COLEC11: variants seen among roughly 807,000 people sequenced by gnomAD.
COLEC11 encodes the protein collectin subfamily member 11, also known as collectin-11.
In COLEC11, 20 loss-of-function variants were observed where a neutral mutation model predicts 27.3. The ratio of observed to expected loss-of-function variants is 0.73; its 90% CI spans 0.51 to 1.06. COLEC11 has a LOEUF of 1.06. COLEC11 is among the 50% of genes least tolerant of loss of function. The pLI, the probability that COLEC11 is intolerant of heterozygous loss-of-function variation, is 0.00. For synonymous variants in COLEC11, 163 were observed against 154.7 expected (o/e 1.05, Z -0.40); for missense variants, 310 against 383.0 (o/e 0.81, Z 1.59).
chr2:3,601,648 C>T lies in COLEC11; in HGVS notation c.-26-2667C>T, dbSNP rs576901155. Among the ~76,000 whole-genome samples the T allele has an allele frequency of 3.9e-4, 60 of 152,282 alleles. 1 individual carries two copies. Among genetic ancestry groups the T allele is most frequent in the South Asian group, 2.1e-3 (10 of 4,832 alleles). On this transcript the variant is annotated intron_variant, in intron 1 of 6. Coordinates refer to ENST00000349077, the MANE Select transcript of COLEC11 (RefSeq NM_024027.5). The stretch of plus-strand genomic sequence containing the variant: ...ATTCTTGGACATCCGGGATGAGAGA[C>T]GGCTTCAGCTTTAAGGTCTGTAGGT...
At chr2:3,631,147 C>T (rs2147937157) in intron 3 of COLEC11, among the ~76,000 whole-genome samples, 1 of 152,146 alleles carries the variant, frequency 6.6e-6, no homozygotes, top group East Asian at 1.9e-4. Flanking sequence ...AGGAGAATCA[C>T]TTGAACCTGG....
Position 3,622,789 on chromosome 2 carries a change from C to T in COLEC11, c.202+9407C>T, listed in dbSNP as rs1042791086. Among the ~76,000 whole-genome samples the T allele has an allele frequency of 6.6e-5, 10 of 152,110 alleles. No homozygotes were observed. The East Asian group carries it at 1.7e-3, about 26-fold the overall frequency. ...ACCTTGGATTTCCCAGCCTCTAGAA[C>T]TGTAAAAAAGAATTTCTTTTCTTTA... On this transcript the variant is annotated intron_variant, in intron 3 of 6. Coordinates refer to ENST00000349077, the MANE Select transcript of COLEC11 (RefSeq NM_024027.5).
intron 1 of COLEC11, among the ~76,000 whole-genome samples, chr2:3,599,705 G>A (rs1216601126): frequency 2.0e-5 from 3 of 152,178 alleles, no homozygotes; most frequent in Admixed American, 6.5e-5. Context: ...GCCAAGTCCC[G>A]GGAGGTCTCT....
intron 1 of COLEC11, among the ~76,000 whole-genome samples, chr2:3,596,334 T>C (rs1661835236): frequency 7.3e-6 from 1 of 136,944 alleles, no homozygotes; most frequent in South Asian, 2.3e-4. Flanking sequence ...CATTGTCTAT[T>C]TCATTTTTTT....
intron 3 of COLEC11, chr2:3,626,240 G>A (rs1278727385): frequency 1.3e-6 from 1 of 795,704 alleles, no homozygotes; most frequent in Non-Finnish European, 2.2e-6. Flanking sequence ...TGGGAGGGAG[G>A]AATATTGTTA....
At chr2:3,603,942 C>T in intron 1 of COLEC11, 1 of 573,366 alleles carries the variant, frequency 1.7e-6, no homozygotes, top group Non-Finnish European at 3.1e-6. Context: ...CTGTGCCCAG[C>T]TCTGCAGAGG....
intron 2 of COLEC11, among the ~76,000 whole-genome samples, chr2:3,607,650 T>C (rs780576739): frequency 2.0e-5 from 3 of 152,128 alleles, no homozygotes; most frequent in Non-Finnish European, 4.4e-5. Flanking sequence ...GGTTTCACCA[T>C]GTTATCCAGG....
rs59415568 is a variant in COLEC11, at chr2:3,600,939, G to A, written c.-26-3376G>A. ...CCTCAGCAGGACAATGCCCGGCCCC[G>A]TGATGGCTGTGTCACTGCACGGGGC... is the stretch of plus-strand genomic sequence containing the variant. On this transcript the variant is annotated intron_variant, in intron 1 of 6. Transcript: ENST00000349077. Among the ~76,000 whole-genome samples the A allele has an allele frequency of 6.2e-3, 951 of 152,312 alleles. 7 individuals carry two copies. The highest frequency in any genetic ancestry group is 0.022 in the African/African-American group (908 of 41,564).
chr2:3,633,507 A>G (rs1049005556), intron 3 of COLEC11, among the ~76,000 whole-genome samples: 3 of 152,170 alleles, frequency 2.0e-5, no homozygotes, highest in African/African-American at 4.8e-5. Flanking sequence ...AGTCCCTGCC[A>G]TAGGGGGTTC....
chr2:3,637,238 G>C (rs981742911), intron 3 of COLEC11, among the ~76,000 whole-genome samples: 3 of 152,220 alleles, frequency 2.0e-5, no homozygotes, highest in Admixed American at 1.3e-4. Context: ...GCACGGAGGG[G>C]ATGGACCGTG....
At chr2:3,643,688 A>T (rs753906527) in intron 6 of COLEC11, 39 bp from the exon 7 acceptor site, 2 of 1,613,176 alleles carry the variant, frequency 1.2e-6, no homozygotes, top group East Asian at 2.2e-5. Flanking sequence ...TGTTGCACAC[A>T]TACAAGTGCT....
intron 3 of COLEC11, among the ~76,000 whole-genome samples, chr2:3,634,459 C>T (rs540926460): frequency 2.8e-4 from 42 of 152,304 alleles, no homozygotes; most frequent in Non-Finnish European, 3.7e-4. Flanking sequence ...CTGTACCGTG[C>T]CTCCTCCTGC....
Position 3,644,097 on chromosome 2 carries a change from G to A in COLEC11, c.795G>A (p.Glu265=), listed in dbSNP as rs1413727385. The A allele has an allele frequency of 1.2e-6, 2 of 1,612,636 alleles. No homozygotes were observed. Among genetic ancestry groups the A allele is most frequent in the Non-Finnish European group, 1.7e-6 (2 of 1,180,040 alleles). The change falls in exon 7 of 7, where the codon GAG becomes GAA. Residue 265 remains glutamate (E), a synonymous_variant. Transcript: ENST00000349077. ...ACACCACCATGTACTTCATGTGTGA[G>A]TTTGACAAGGAGAACATGTGAGCCT... ...ACHTTMYFMC[E]FDKENM
intron 1 of COLEC11, among the ~76,000 whole-genome samples, chr2:3,596,161 G>T (rs1463637163): frequency 1.3e-5 from 2 of 152,116 alleles, no homozygotes; most frequent in African/African-American, 4.8e-5. Flanking sequence ...GGGAAACACC[G>T]CGGTGGGGCT....
intron 1 of COLEC11, among the ~76,000 whole-genome samples, chr2:3,599,236 C>T (rs764223862): frequency 6.6e-6 from 1 of 152,176 alleles, no homozygotes. Context: ...ACCCAGTGGA[C>T]GTTCTGTACC....
intron 3 of COLEC11, among the ~76,000 whole-genome samples, chr2:3,625,849 T>C (rs1664517181): frequency 6.6e-6 from 1 of 152,140 alleles, no homozygotes; most frequent in African/African-American, 2.4e-5. Context: ...GCCACACTGG[T>C]CTTGAACTCC....
chr2:3,615,118 T>TTTCC (rs397795219), intron 3 of COLEC11, among the ~76,000 whole-genome samples: 2 of 97,760 alleles, frequency 2.0e-5, no homozygotes, highest in African/African-American at 6.4e-5. Flanking sequence ...CTTTTTTTTT[T>TTTCC]AAAGGGATTT....
intron 3 of COLEC11, among the ~76,000 whole-genome samples, chr2:3,628,513 C>T (rs1664728248): frequency 6.6e-6 from 1 of 152,262 alleles, no homozygotes; most frequent in Non-Finnish European, 1.5e-5. Flanking sequence ...CCGCAAAGTG[C>T]ATGCTCTGCA....
chr2:3,617,667 C>A (rs747593486), intron 3 of COLEC11: 47 of 1,611,890 alleles, frequency 2.9e-5, no homozygotes, highest in Non-Finnish European at 4.0e-5. Flanking sequence ...TCAGCCATAT[C>A]GGGTTTGTCA....
Sources: gnomAD v4.1 joint callset for allele counts (sites outside exome capture counted in the v4.1 genomes callset) on GRCh38, gnomAD v4.1.1 for gene constraint, MANE v1.5 for transcripts, NCBI Gene and HGNC (gene_info 2026-07-23, HGNC 2026-07-21) for gene names.